PALM2AKAP2: variants seen among roughly 807,000 people sequenced by gnomAD.
PALM2AKAP2 encodes the protein PALM2 and AKAP2 fusion, also known as PALM2-AKAP2 fusion protein.
In PALM2AKAP2, 37 loss-of-function variants were observed where a neutral mutation model predicts 71.5. The ratio of observed to expected loss-of-function variants is 0.52; its 90% CI spans 0.40 to 0.68. The LOEUF (loss-of-function observed/expected upper bound fraction) is 0.68. Among genes scored for constraint, PALM2AKAP2 ranks in the 30% least tolerant of loss-of-function variants. The probability of loss-of-function intolerance (pLI) is 0.00; values close to 1 mark genes in which losing one functional copy is unlikely to be tolerated. For synonymous variants in PALM2AKAP2, 468 were observed against 478.8 expected, an observed-to-expected ratio of 0.98 and a Z score of 0.29; for missense variants, 1,224 against 1,191.8, an observed-to-expected ratio of 1.03 and a Z score of -0.40.
rs142579157 is a variant in PALM2AKAP2 at position 110,115,353 on chromosome 9, C to T, written c.157-20774C>T. ...GGCAAATATCTTTTTCTTTAAACCA[C>T]AAGTGCACCTCTGGTACCATGCTCA... is the stretch of plus-strand genomic sequence containing the variant. On this transcript the variant is annotated intron_variant, in intron 1 of 3. Transcript: ENST00000374525. Among the ~76,000 whole-genome samples the T allele has an allele frequency of 8.2e-3, 1,250 of 152,336 alleles. 5 individuals are homozygous for T. Among genetic ancestry groups the T allele is most frequent in the South Asian group, 0.022 (104 of 4,828 alleles).
intron 5 of PALM2AKAP2, among the ~76,000 whole-genome samples, chr9:109,928,669 C>T (rs1320174755): frequency 2.7e-5 from 4 of 147,814 alleles, no homozygotes; most frequent in South Asian, 4.4e-4. Flanking sequence ...ATCTTTCTCT[C>T]GCTCTCTTTT....
chr9:110,043,219 G>T (rs763257869), intron 7 of PALM2AKAP2, among the ~76,000 whole-genome samples: 1 of 152,124 alleles, frequency 6.6e-6, no homozygotes. Flanking sequence ...GTTTTCAAAT[G>T]CTGTTATCAG....
chr9:110,009,493 T>A lies in PALM2AKAP2; in HGVS notation c.497-6461T>A, dbSNP rs377426937. Among the ~76,000 whole-genome samples, 11 of 152,052 alleles carry A rather than the reference T, an allele frequency of 7.2e-5. No individual in the cohort carries two copies. In the South Asian group the frequency reaches 8.3e-4, roughly 12 times the overall value. On this transcript the variant is annotated intron_variant, in intron 6 of 9. Coordinates refer to the PALM2AKAP2 transcript ENST00000302798. ...ACTTTGGGAGGCCGAGGCGGGTGGA[T>A]CACGAGGTCAGGAGACCGAGACCAT...
At chr9:109,894,148 T>C (rs1036922599) in intron 3 of PALM2AKAP2, among the ~76,000 whole-genome samples, 8 of 151,304 alleles carry the variant, frequency 5.3e-5, no homozygotes, top group Non-Finnish European at 1.0e-4. Flanking sequence ...CCCAGCCTGG[T>C]CAACATGATG....
chr9:109,989,137 T>C (rs1832430904), intron 6 of PALM2AKAP2, among the ~76,000 whole-genome samples: 1 of 152,050 alleles, frequency 6.6e-6, no homozygotes, highest in Non-Finnish European at 1.5e-5. Flanking sequence ...TGTTGAGAGG[T>C]CAAAAATTCT....
intron 1 of PALM2AKAP2, among the ~76,000 whole-genome samples, chr9:110,101,710 T>G (rs1397743613): frequency 1.3e-5 from 2 of 152,250 alleles, no homozygotes; most frequent in African/African-American, 4.8e-5. Context: ...AGCTGGCTTC[T>G]GTGGGCCAGC....
chr9:110,154,465 G>A (rs1343935512), intron 2 of PALM2AKAP2, among the ~76,000 whole-genome samples: 3 of 152,092 alleles, frequency 2.0e-5, no homozygotes, highest in African/African-American at 7.2e-5. Flanking sequence ...GTCTGGGATT[G>A]GTTTAAAATA....
chr9:110,136,395 T>A lies in PALM2AKAP2; in HGVS notation c.425T>A (p.Ile142Asn), dbSNP rs1397153388. 2.5e-6 allele frequency: 4 copies of A among 1,614,154 alleles called. No homozygotes were observed. The highest frequency in any genetic ancestry group is 1.6e-4 in the Middle Eastern group (1 of 6,062). ...CTGGATAATGATGTTGCCAGAGAGATCCGCTATCTAGATGAGGTGCTAGAG... is the reference window on the plus strand; with the variant it reads ...CTGGATAATGATGTTGCCAGAGAGAACCGCTATCTAGATGAGGTGCTAGAG... The change falls in exon 2 of 4, where the codon ATC becomes AAC. Residue 142 changes from isoleucine to asparagine, a missense_variant. Ile to Asn is a moderately radical substitution (Grantham distance 149). Coordinates refer to ENST00000374525, the Ensembl canonical transcript of PALM2AKAP2.
rs532792706 is a variant in PALM2AKAP2, at chr9:110,077,887, G to A, written c.156+29032G>A. On this transcript the variant is annotated intron_variant, in intron 1 of 3. Transcript: ENST00000374525. ...AAATTAGCTGGGCGTGGTGGTGTAC[G>A]CCTGTAATCCTAGCTACTCAGGAGG... Among the ~76,000 whole-genome samples the A allele has an allele frequency of 5.3e-5, 8 of 152,022 alleles. No individual in the cohort carries two copies. The East Asian group carries it at 7.7e-4, about 15-fold the overall frequency.
chr9:110,103,293 A>G lies in PALM2AKAP2; in HGVS notation c.157-32834A>G, dbSNP rs547090196. On this transcript the variant is annotated intron_variant, in intron 1 of 3. Coordinates refer to ENST00000374525, the Ensembl canonical transcript of PALM2AKAP2. The stretch of plus-strand genomic sequence containing the variant: ...ATGCCCAGCACAGTGCCTGAAGCAC[A>G]GTAGGTATTCAGTTGCCTTGGTGAA... Among the ~76,000 whole-genome samples the G allele has an allele frequency of 3.3e-5, 5 of 152,368 alleles. No homozygotes were observed. The East Asian group carries it at 7.7e-4, about 23-fold the overall frequency.
chr9:109,856,584 C>G (rs1300812172), intron 1 of PALM2AKAP2, among the ~76,000 whole-genome samples: 1 of 152,166 alleles, frequency 6.6e-6, no homozygotes, highest in African/African-American at 2.4e-5. Flanking sequence ...AAGAGAAAGT[C>G]AAATGTTCAT....
chr9:110,149,191 G>A (rs1047205719), intron 2 of PALM2AKAP2, among the ~76,000 whole-genome samples: 3 of 152,222 alleles, frequency 2.0e-5, no homozygotes, highest in Non-Finnish European at 4.4e-5. Context: ...TCCCACTCAT[G>A]ATGGGACTAA....
chr9:109,831,788 G>C (rs914037666), intron 1 of PALM2AKAP2, among the ~76,000 whole-genome samples: 1 of 152,162 alleles, frequency 6.6e-6, no homozygotes, highest in African/African-American at 2.4e-5. Flanking sequence ...ATTTAAGTCA[G>C]TATGGAACTC....
At chr9:109,984,139 C>T (rs1418197334) in intron 6 of PALM2AKAP2, among the ~76,000 whole-genome samples, 1 of 151,918 alleles carries the variant, frequency 6.6e-6, no homozygotes, top group Admixed American at 6.6e-5. Flanking sequence ...ACTTTGAGAC[C>T]CTTAACCCTA....
At chr9:109,790,349 C>T (rs1463057363) in intron 1 of PALM2AKAP2, among the ~76,000 whole-genome samples, 1 of 152,104 alleles carries the variant, frequency 6.6e-6, no homozygotes, top group African/African-American at 2.4e-5. Context: ...TTTTTCCCCC[C>T]TCTGCTAAAT....
chr9:109,886,136 G>A (rs1036965448), intron 3 of PALM2AKAP2, among the ~76,000 whole-genome samples: 1 of 152,196 alleles, frequency 6.6e-6, no homozygotes, highest in Non-Finnish European at 1.5e-5. Flanking sequence ...TTTTTTGAAT[G>A]TCCACATCTT....
At chr9:109,766,614 T>G (rs1365725174) in intron 1 of PALM2AKAP2, among the ~76,000 whole-genome samples, 1 of 152,242 alleles carries the variant, frequency 6.6e-6, no homozygotes, top group Admixed American at 6.5e-5. Context: ...CTCATCATCC[T>G]TTTGCTGCAT....
At chr9:109,974,388 C>G (rs1330243420) in intron 6 of PALM2AKAP2, among the ~76,000 whole-genome samples, 1 of 152,120 alleles carries the variant, frequency 6.6e-6, no homozygotes, top group African/African-American at 2.4e-5. Flanking sequence ...TGACCCAAAG[C>G]CCTTTTCAGG....
chr9:110,107,570 T>C (rs1369855318), intron 1 of PALM2AKAP2, among the ~76,000 whole-genome samples: 1 of 152,228 alleles, frequency 6.6e-6, no homozygotes, highest in Non-Finnish European at 1.5e-5. Context: ...ACCTCTAATT[T>C]TTTTTTAGAG....
Sources: allele counts gnomAD v4.1 joint callset (sites outside exome capture counted in the v4.1 genomes callset), GRCh38; gene constraint gnomAD v4.1.1; transcripts MANE v1.5; gene names NCBI Gene and HGNC (gene_info 2026-07-23, HGNC 2026-07-21).